The following MED12L variants were observed in gnomAD, a reference collection of about 807,000 sequenced individuals.
MED12L encodes the protein mediator of RNA polymerase II transcription subunit 12-like protein.
MED12L carries 60 observed loss-of-function variants against 281.3 expected under a neutral mutation model. The ratio of observed to expected loss-of-function variants is 0.21; its 90% CI spans 0.17 to 0.26. The LOEUF (loss-of-function observed/expected upper bound fraction) is 0.26, where lower values mean the gene tolerates loss of function less well. MED12L is among the 10% of genes least tolerant of loss of function. The pLI, the probability that MED12L is intolerant of heterozygous loss-of-function variation, is 1.00. For missense variants in MED12L, 2,146 were observed against 2,680.9 expected (o/e 0.80, Z 4.41); for synonymous variants, 974 against 987.2 (o/e 0.99, Z 0.25).
At position 151,372,621 on chromosome 3, in the gene MED12L, C is replaced by T; in HGVS notation, c.3719C>T (p.Thr1240Ile). 1 of 1,613,918 alleles carries T rather than the reference C, an allele frequency of 6.2e-7. No individual in the cohort carries two copies. The highest frequency in any genetic ancestry group is 1.1e-5 in the South Asian group (1 of 91,080). Residue 1240 changes from threonine to isoleucine, a missense_variant, in exon 27 of 45, where the codon ACC (threonine) becomes ATC (isoleucine). Thr to Ile is a moderately conservative substitution (Grantham distance 89). Around this residue, in one of 9 missense-constraint regions of MED12L, gnomAD observed 235 missense variants for 260.3 expected, o/e 0.90. Transcript: ENST00000687756. ...AGCTCTTTAAAGAATGATGACTTCA[C>T]CATGAGAGGTTTGCGATGTGATGGG... ...SVSSLKNDDF[T>I]MRGLRCDGNA...
In MED12L at chr3:151,185,378, G is replaced by A. The variant is rs2149073341; in HGVS notation, c.1543G>A (p.Val515Met). The A allele has an allele frequency of 6.2e-7, 1 of 1,613,916 alleles. No individual in the cohort carries two copies. The highest frequency in any genetic ancestry group is 1.1e-5 in the South Asian group (1 of 91,066). The change falls in exon 12 of 45, where the codon GTG (valine) becomes ATG (methionine). Residue 515 changes from valine (V) to methionine (M), a missense_variant. By Grantham distance (21) the Val-to-Met change is conservative. Coordinates refer to ENST00000687756, the MANE Select transcript of MED12L (RefSeq NM_001393769.1). ...GGTGACGCTGTTATGTGAATGGGCC[G>A]TGAGCTGCAAACGGTCTGGCAAGCA... ...AVVTLLCEWA[V>M]SCKRSGKHRA...
intron 4 of MED12L, among the ~76,000 whole-genome samples, chr3:151,125,429 T>A (rs1312938365): frequency 1.3e-5 from 2 of 152,240 alleles, no homozygotes; most frequent in Non-Finnish European, 2.9e-5. Context: ...TGCTGTCTCA[T>A]CTAAACATTT....
chr3:151,338,383 G>A lies in MED12L; in HGVS notation c.2251-11676G>A, dbSNP rs1044568742. On this transcript the variant is annotated intron_variant, in intron 16 of 44. Transcript: ENST00000687756. ...GTCAGAATCATGTTAGGCAAAGAGA[G>A]TAAGAACATGAATGCCCAGATGACA... is the stretch of plus-strand genomic sequence containing the variant. 3.1e-6 allele frequency: 5 copies of A among 1,613,992 alleles called. No individual in the cohort carries two copies. In the Admixed American group the frequency reaches 6.7e-5, roughly 22 times the overall value.
At chr3:151,223,735 T>C (rs1347245385) in intron 16 of MED12L, among the ~76,000 whole-genome samples, 1 of 152,162 alleles carries the variant, frequency 6.6e-6, no homozygotes, top group East Asian at 1.9e-4. Flanking sequence ...TACTCTTGGG[T>C]TTTGTGTTCA....
intron 16 of MED12L, among the ~76,000 whole-genome samples, chr3:151,257,873 T>C (rs554919440): frequency 3.6e-4 from 55 of 152,340 alleles, no homozygotes; most frequent in Non-Finnish European, 7.1e-4. Context: ...AGTTCCTCCT[T>C]CTCTCTCCCT....
intron 5 of MED12L, among the ~76,000 whole-genome samples, chr3:151,153,428 C>T (rs987703548): frequency 9.2e-5 from 14 of 152,194 alleles, no homozygotes; most frequent in Non-Finnish European, 1.9e-4. Flanking sequence ...TTCATATCAT[C>T]TGCATTGCCT....
At chr3:151,406,692 A>G (rs1404104143) in intron 39 of MED12L, among the ~76,000 whole-genome samples, 1 of 151,924 alleles carries the variant, frequency 6.6e-6, no homozygotes, top group Non-Finnish European at 1.5e-5. Context: ...CAAAAACTAT[A>G]TTTCCATTTG....
At position 151,086,978 on chromosome 3, in the gene MED12L, C is replaced by A; in HGVS notation, c.52C>A (p.Arg18=). Residue 18 remains arginine (R), a synonymous_variant, in exon 2 of 45, where the codon CGG becomes AGG. Transcript: ENST00000687756. ...TGAGCAGAGACCGCTGAAGCGCCCC[C>A]GGCTCGGGCCGCCCGACGTCTACCC... ...SYEQRPLKRP[R]LGPPDVYPQD... The A allele has an allele frequency of 6.2e-7, 1 of 1,610,236 alleles. No homozygotes were observed. The highest frequency in any genetic ancestry group is 8.5e-7 in the Non-Finnish European group (1 of 1,178,968).
chr3:151,238,267 C>T (rs770427436), intron 16 of MED12L, among the ~76,000 whole-genome samples: 1 of 152,202 alleles, frequency 6.6e-6, no homozygotes, highest in Non-Finnish European at 1.5e-5. Context: ...CTGTCCCAGC[C>T]TCCCAAGTAG....
intron 16 of MED12L, chr3:151,212,966 T>TCGCC: frequency 6.3e-6 from 1 of 158,886 alleles, no homozygotes; most frequent in Admixed American, 6.4e-5. Flanking sequence ...GATTATGTTG[T>TCGCC]GTTTTATTTA....
intron 3 of MED12L, among the ~76,000 whole-genome samples, chr3:151,121,126 G>A (rs1456069770): frequency 6.6e-6 from 1 of 152,108 alleles, no homozygotes; most frequent in Non-Finnish European, 1.5e-5. Flanking sequence ...GGTGTTTTGT[G>A]CTCTTGGTGC....
chr3:151,200,763 A>C (rs955281408), intron 16 of MED12L: 1 of 152,276 alleles, frequency 6.6e-6, no homozygotes, highest in African/African-American at 2.4e-5. Flanking sequence ...AACTCGATGA[A>C]AATAATTAAG....
intron 16 of MED12L, among the ~76,000 whole-genome samples, chr3:151,301,909 C>A (rs1745981725): frequency 6.6e-6 from 1 of 152,216 alleles, no homozygotes; most frequent in Non-Finnish European, 1.5e-5. Flanking sequence ...AGGTATCTAG[C>A]CACAAGAAAT....
intron 29 of MED12L, 52 bp downstream of exon 29, chr3:151,376,926 AAC>A (rs1283469499): frequency 1.9e-6 from 3 of 1,611,388 alleles, no homozygotes; most frequent in Non-Finnish European, 2.5e-6. Flanking sequence ...AAAAAGCAAA[AAC>A]ACGTTGATGT....
intron 1 of MED12L, 23 bp downstream of exon 1, chr3:151,085,959 C>A (rs1231752540): frequency 1.3e-5 from 2 of 151,974 alleles, no homozygotes; most frequent in South Asian, 4.1e-4. Context: ...GGGTTGGGGG[C>A]GGAAGGGAAG....
At chr3:151,168,584 C>G (rs1388220172) in intron 11 of MED12L, among the ~76,000 whole-genome samples, 1 of 152,224 alleles carries the variant, frequency 6.6e-6, no homozygotes, top group Non-Finnish European at 1.5e-5. Context: ...GTTGACTCAA[C>G]TTCAGAAAGA....
chr3:151,180,237 T>C (rs943982994), intron 11 of MED12L, among the ~76,000 whole-genome samples: 1 of 152,204 alleles, frequency 6.6e-6, no homozygotes, highest in African/African-American at 2.4e-5. Context: ...AAATCAGAAA[T>C]TGGGACTACA....
At chr3:151,183,307 GCT>G (rs1372658406) in intron 11 of MED12L, among the ~76,000 whole-genome samples, 6 of 152,120 alleles carry the variant, frequency 3.9e-5, no homozygotes, top group Non-Finnish European at 8.8e-5. Context: ...CTCTTATTCT[GCT>G]CTGTGTTTGC....
intron 16 of MED12L, among the ~76,000 whole-genome samples, chr3:151,325,268 G>A (rs1451190896): frequency 6.6e-6 from 1 of 152,130 alleles, no homozygotes; most frequent in Admixed American, 6.6e-5. Flanking sequence ...ATTCTTCCGA[G>A]TGTGGGAACT....
Sources: gnomAD v4.1 joint callset for allele counts (sites outside exome capture counted in the v4.1 genomes callset) on GRCh38, gnomAD v4.1.1 for gene constraint, gnomAD v4.1.1 regional missense constraint, MANE v1.5 for transcripts, NCBI Gene and HGNC (gene_info 2026-07-23, HGNC 2026-07-21) for gene names.